The following WDR49 variants were observed in gnomAD, a reference collection of about 807,000 sequenced individuals.
The protein encoded by WDR49 is WD repeat domain 49.
In WDR49, 107 loss-of-function variants were observed where a neutral mutation model predicts 119.5. The observed-to-expected ratio is 0.90, with a 90% CI of 0.77 to 1.05. The LOEUF is 1.05. Among genes scored for constraint, WDR49 ranks in the 50% least tolerant of loss-of-function variants. WDR49 has a pLI of 0.00. For missense variants in WDR49, 1,240 were observed against 1,220.5 expected (o/e 1.02, Z -0.24); for synonymous variants, 425 against 418.8 (o/e 1.01, Z -0.18).
chr3:167,524,428 C>T (rs538249555), intron 15 of WDR49, among the ~76,000 whole-genome samples: 2,082 of 152,160 alleles, frequency 0.014, 47 homozygotes, highest in African/African-American at 0.047. Flanking sequence ...CATTTGTCAA[C>T]TTCAGCTTTT....
intron 7 of WDR49, among the ~76,000 whole-genome samples, chr3:167,587,720 G>A (rs568975652): frequency 1.9e-4 from 29 of 152,250 alleles, no homozygotes; most frequent in Non-Finnish European, 4.0e-4. Context: ...CTGGGCTTAA[G>A]TGATCCACCC....
chr3:167,567,955 T>A (rs1043818237), intron 8 of WDR49, among the ~76,000 whole-genome samples: 1 of 152,222 alleles, frequency 6.6e-6, no homozygotes, highest in African/African-American at 2.4e-5. Flanking sequence ...TCTTTTCCAT[T>A]TCAGGCTCAG....
rs1326727073 is a variant in WDR49 at position 167,500,270 on chromosome 3, G to C, written c.2914C>G (p.Leu972Val). The C allele has an allele frequency of 6.2e-7, 1 of 1,604,552 alleles. No individual in the cohort carries two copies. Among genetic ancestry groups the C allele is most frequent in the South Asian group, 1.1e-5 (1 of 89,162 alleles). The change falls in exon 18 of 19, where the codon CTG becomes GTG. Residue 972 changes from leucine to valine, a missense_variant. Leu to Val is a conservative substitution (Grantham distance 32). Transcript: ENST00000682715. ...STFRSLNIGA[L>V]EELPEVNKPA... ...TTATTCACTTCAGGCAGCTCTTCCA[G>C]GGCTCCAATGTTTAATGACCTAAAT...
At chr3:167,495,442 C>T (rs1751316656) in intron 18 of WDR49, among the ~76,000 whole-genome samples, 1 of 151,862 alleles carries the variant, frequency 6.6e-6, no homozygotes, top group South Asian at 2.1e-4. Context: ...GCAGACTGGT[C>T]AATATAAAAT....
At chr3:167,524,301 T>C (rs911893091) in intron 15 of WDR49, among the ~76,000 whole-genome samples, 1 of 152,194 alleles carries the variant, frequency 6.6e-6, no homozygotes, top group Non-Finnish European at 1.5e-5. Context: ...ATATTAGACC[T>C]TTGTCAGATA....
intron 18 of WDR49, among the ~76,000 whole-genome samples, chr3:167,485,729 A>G (rs1269925198): frequency 6.6e-6 from 1 of 152,160 alleles, no homozygotes; most frequent in African/African-American, 2.4e-5. Flanking sequence ...TATAAAAGGA[A>G]CAAAACCTCT....
intron 18 of WDR49, among the ~76,000 whole-genome samples, chr3:167,499,748 G>A (rs566115441): frequency 3.9e-5 from 6 of 152,186 alleles, no homozygotes; most frequent in South Asian, 2.1e-4. Flanking sequence ...ATTTTAAGTC[G>A]TCTCTATTTA....
intron 8 of WDR49, among the ~76,000 whole-genome samples, chr3:167,573,711 A>T (rs541773636): frequency 6.6e-6 from 1 of 152,246 alleles, no homozygotes; most frequent in East Asian, 1.9e-4. Flanking sequence ...CCAAGATCAC[A>T]CTGTGAAAAA....
chr3:167,488,049 A>C (rs759662713), intron 18 of WDR49, among the ~76,000 whole-genome samples: 5 of 151,528 alleles, frequency 3.3e-5, no homozygotes, highest in Non-Finnish European at 4.4e-5. Flanking sequence ...AAATGCATTC[A>C]TGTGTTATCA....
chr3:167,615,620 A>G (rs1031627558), intron 5 of WDR49, among the ~76,000 whole-genome samples: 1 of 152,142 alleles, frequency 6.6e-6, no homozygotes, highest in African/African-American at 2.4e-5. Context: ...AAAACATAAA[A>G]TCCCATAGAA....
At chr3:167,654,168 C>T, upstream of WDR49, among the ~76,000 whole-genome samples, 1 of 152,098 alleles carries the variant, frequency 6.6e-6, no homozygotes, top group East Asian at 1.9e-4. Flanking sequence ...TTAAAGACAA[C>T]TTTTACCATT....
chr3:167,531,589 G>GT lies in WDR49; in HGVS notation c.2054-311dup, dbSNP rs143548895. Reference sequence around the variant, plus strand: ...GGATCCTAATATGCCCAGGACAAACGTAATTCCAATACTGTGGCATTTTCA... The same window carrying GT: ...GGATCCTAATATGCCCAGGACAAACGTTAATTCCAATACTGTGGCATTTTCA... On this transcript the variant is annotated intron_variant, in intron 12 of 18. Coordinates refer to ENST00000682715, the MANE Select transcript of WDR49 (RefSeq NM_001366157.1). 1.4e-3 allele frequency among the ~76,000 whole-genome samples: 207 copies of GT among 152,184 alleles called. 4 individuals carry two copies. The East Asian group carries it at 0.031, about 23-fold the overall frequency.
At chr3:167,577,344 G>A (rs1284596977) in intron 7 of WDR49, among the ~76,000 whole-genome samples, 2 of 152,014 alleles carry the variant, frequency 1.3e-5, no homozygotes, top group East Asian at 1.9e-4. Flanking sequence ...CCAAAAGGGG[G>A]TATCAGGCAA....
rs35071885 is a variant in WDR49 at position 167,568,944 on chromosome 3, AT to A, written c.1509+6973del. 3.8e-3 allele frequency among the ~76,000 whole-genome samples: 556 copies of A among 145,208 alleles called. 10 individuals carry two copies. The East Asian group carries it at 0.046, about 12-fold the overall frequency. On this transcript the variant is annotated intron_variant, in intron 8 of 18. Transcript: ENST00000682715. Reference sequence around the variant, plus strand: ...AGCAGTGCAGTATGTACTACAGTTAATTTTTTTTTTTTTTTGAGACAAGAGT... The same window carrying A: ...AGCAGTGCAGTATGTACTACAGTTAATTTTTTTTTTTTTTGAGACAAGAGT...
At chr3:167,479,109 C>G in intron 18 of WDR49, 113 bp from the exon 19 acceptor site, 1 of 807,282 alleles carries the variant, frequency 1.2e-6, no homozygotes, top group South Asian at 1.7e-5. Context: ...ATCTTTGTTT[C>G]TAAAACACAG....
chr3:167,518,180 G>A (rs1329624449), intron 16 of WDR49, among the ~76,000 whole-genome samples: 1 of 151,778 alleles, frequency 6.6e-6, no homozygotes. Context: ...TGTGAATAAT[G>A]CCGCAATAAA....
intron 15 of WDR49, among the ~76,000 whole-genome samples, chr3:167,525,404 C>A (rs777326741): frequency 1.6e-4 from 25 of 152,052 alleles, no homozygotes; most frequent in Middle Eastern, 3.2e-3. Flanking sequence ...TTATTTCTTT[C>A]TCTTGCCTGA....
intron 8 of WDR49, among the ~76,000 whole-genome samples, chr3:167,562,916 C>T (rs779504536): frequency 1.1e-4 from 17 of 152,204 alleles, no homozygotes; most frequent in Non-Finnish European, 2.4e-4. Context: ...AGCCATAAAT[C>T]ATAAAAGTTA....
chr3:167,623,104 C>T (rs1233675108), intron 3 of WDR49, among the ~76,000 whole-genome samples: 6 of 151,966 alleles, frequency 3.9e-5, no homozygotes, highest in African/African-American at 7.2e-5. Context: ...TTCCACCAAA[C>T]GTTTCAAGGA....
Sources: allele counts gnomAD v4.1 joint callset (sites outside exome capture counted in the v4.1 genomes callset), GRCh38; gene constraint gnomAD v4.1.1; transcripts MANE v1.5; gene names NCBI Gene and HGNC (gene_info 2026-07-23, HGNC 2026-07-21).